Variants in TSPEAR observed in about 807,000 individuals in gnomAD.
The protein encoded by TSPEAR is thrombospondin-type laminin G domain and EAR repeat-containing protein.
A neutral mutation model predicts 71.6 loss-of-function variants in TSPEAR; 69 were observed. The ratio of observed to expected loss-of-function variants is 0.96; its 90% CI spans 0.79 to 1.18. The LOEUF (loss-of-function observed/expected upper bound fraction) is 1.18, where lower values mean the gene tolerates loss of function less well. Ranked by LOEUF, TSPEAR falls within the 50% of genes most tolerant of loss-of-function variation. TSPEAR has a pLI of 0.00. For missense variants in TSPEAR, 971 were observed against 894.9 expected, an observed-to-expected ratio of 1.09 and a Z score of -1.09; for synonymous variants, 402 against 387.2, an observed-to-expected ratio of 1.04 and a Z score of -0.45.
intron 2 of TSPEAR, chr21:44,539,062 G>A: frequency 4.6e-6 from 3 of 651,122 alleles, no homozygotes; most frequent in South Asian, 2.0e-5. Flanking sequence ...CCAGAGCAGA[G>A]AAGCTGGGAG....
chr21:44,521,979 C>A lies in TSPEAR; in HGVS notation c.1470G>T (p.Leu490=). The change falls in exon 9 of 12, where the codon CTG becomes CTT. Residue 490 remains leucine (L), a synonymous_variant. Coordinates refer to ENST00000323084, the MANE Select transcript of TSPEAR (RefSeq NM_144991.3). ...TGCCGTTGAAGGTGTTGGCCACCAC[C>A]AGGAACGAGTAGGGCCCCACACTGA... is the stretch of plus-strand genomic sequence containing the variant. ...EFFSVGPYSF[L]VVANTFNGTS... 6.2e-7 allele frequency: 1 copy of A among 1,614,158 alleles called. No individual in the cohort carries two copies. Among genetic ancestry groups the A allele is most frequent in the Non-Finnish European group, 8.5e-7 (1 of 1,180,006 alleles).
chr21:44,697,960 G>A (rs1555951013), intron 1 of TSPEAR: 2 of 1,596,936 alleles, frequency 1.3e-6, no homozygotes, highest in African/African-American at 1.3e-5. Flanking sequence ...CAGGCCAGAA[G>A]TCCAGCTGCT....
chr21:44,612,152 T>A lies in TSPEAR; in HGVS notation c.83-44147A>T. On this transcript the variant is annotated intron_variant, in intron 1 of 11. Coordinates refer to ENST00000323084, the MANE Select transcript of TSPEAR (RefSeq NM_144991.3). This position sits in a 1 kb window ranked among gnomAD's most constrained non-coding sequence, Gnocchi z 4.1. ...GTATGTGATTGCTGCATCCACCATG[T>A]CTGTCTGCTCCAGTGACGTGGGCCA... 1 of 1,614,098 alleles carries A rather than the reference T, an allele frequency of 6.2e-7. No homozygotes were observed. Among genetic ancestry groups the A allele is most frequent in the African/African-American group, 1.3e-5 (1 of 75,028 alleles).
intron 4 of TSPEAR, 120 bp from the exon 5 acceptor site, chr21:44,530,074 G>A (rs587633579): frequency 9.5e-7 from 1 of 1,055,126 alleles, no homozygotes; most frequent in South Asian, 1.7e-5. Flanking sequence ...TGGAATCTAA[G>A]CTTTTGCAGA....
intron 1 of TSPEAR, chr21:44,702,253 G>C (rs1555951635): frequency 6.2e-7 from 1 of 1,604,856 alleles, no homozygotes; most frequent in African/African-American, 1.3e-5. Flanking sequence ...CTGGCAGGTG[G>C]ACGACTGCCC....
At chr21:44,594,215 G>T (rs587645986) in intron 1 of TSPEAR, among the ~76,000 whole-genome samples, 1 of 152,330 alleles carries the variant, frequency 6.6e-6, no homozygotes, top group Non-Finnish European at 1.5e-5. Context: ...AGAAGTCAGA[G>T]GGGAGGAAGA....
At chr21:44,592,228 G>C in intron 1 of TSPEAR, 5 of 1,601,844 alleles carry the variant, frequency 3.1e-6, no homozygotes, top group Non-Finnish European at 4.3e-6. Flanking sequence ...GCACGAGGGC[G>C]TGCAGGAGCT....
intron 1 of TSPEAR, among the ~76,000 whole-genome samples, chr21:44,636,870 C>T (rs1460652410): frequency 2.6e-5 from 4 of 152,250 alleles, no homozygotes; most frequent in African/African-American, 9.6e-5. Context: ...GAGGTCCTCC[C>T]TGTCCTCCTG....
At chr21:44,618,937 G>A (rs1183156841) in intron 1 of TSPEAR, among the ~76,000 whole-genome samples, 5 of 152,204 alleles carry the variant, frequency 3.3e-5, no homozygotes, top group African/African-American at 1.2e-4. Context: ...TGAGGAATAA[G>A]GGAGTTAGAA....
At chr21:44,597,437 C>CTTTTTTTTTT (rs56129761) in intron 1 of TSPEAR, among the ~76,000 whole-genome samples, 1 of 119,222 alleles carries the variant, frequency 8.4e-6, no homozygotes, top group Non-Finnish European at 1.7e-5. Flanking sequence ...TCTTTCTTTT[C>CTTTTTTTTTT]TTTTTTTTTT....
chr21:44,640,063 C>T (rs1363146435), intron 1 of TSPEAR, among the ~76,000 whole-genome samples: 5 of 152,214 alleles, frequency 3.3e-5, no homozygotes, highest in South Asian at 2.1e-4. Context: ...ATGAAACAAA[C>T]GTCCACACAC....
At chr21:44,503,809 CGGGGGG>C (rs2052112858) in intron 11 of TSPEAR, among the ~76,000 whole-genome samples, 2 of 127,976 alleles carry the variant, frequency 1.6e-5, no homozygotes, top group African/African-American at 6.5e-5. Flanking sequence ...GGTGAGCCCT[CGGGGGG>C]AAGCAAGGCG....
intron 9 of TSPEAR, among the ~76,000 whole-genome samples, chr21:44,521,134 C>T (rs782644042): frequency 1.0e-3 from 152 of 152,216 alleles, no homozygotes; most frequent in Non-Finnish European, 1.5e-3. Context: ...ATGAGAGGCA[C>T]GCTTCCAGCA....
In TSPEAR at chr21:44,642,535, G is replaced by A. The variant is rs782567223; in HGVS notation, c.82+68898C>T. Reference sequence around the variant, plus strand: ...GTATAGCCATTATGGGAAATAGTACGGAAGTTCCTCAAAAAATTAAAAATG... The same window carrying A: ...GTATAGCCATTATGGGAAATAGTACAGAAGTTCCTCAAAAAATTAAAAATG... On this transcript the variant is annotated intron_variant, in intron 1 of 11. Coordinates refer to ENST00000323084, the MANE Select transcript of TSPEAR (RefSeq NM_144991.3). This position sits in a 1 kb window ranked among gnomAD's most constrained non-coding sequence, Gnocchi z 4.1. Among the ~76,000 whole-genome samples the A allele has an allele frequency of 1.6e-4, 24 of 152,174 alleles. No individual in the cohort carries two copies. The highest frequency in any genetic ancestry group is 2.4e-4 in the Non-Finnish European group (16 of 68,026).
intron 2 of TSPEAR, chr21:44,558,875 C>A: frequency 1.1e-6 from 1 of 920,608 alleles, no homozygotes; most frequent in Non-Finnish European, 1.6e-6. Context: ...GAGAAGCCTT[C>A]CTCTTCCTTG....
At chr21:44,706,369 A>G (rs1317949181) in intron 1 of TSPEAR, among the ~76,000 whole-genome samples, 1 of 150,182 alleles carries the variant, frequency 6.7e-6, no homozygotes, top group Non-Finnish European at 1.5e-5. Flanking sequence ...TTGCACGCCC[A>G]TGCACGCACA....
chr21:44,593,991 A>G lies in TSPEAR; in HGVS notation c.83-25986T>C, dbSNP rs587708377. Among the ~76,000 whole-genome samples, 73 of 152,330 alleles carry G rather than the reference A, an allele frequency of 4.8e-4. No homozygotes were observed. Among genetic ancestry groups the G allele is most frequent in the Middle Eastern group, 3.4e-3 (1 of 294 alleles). The stretch of plus-strand genomic sequence containing the variant: ...CATGGACTGGCTCCAGCCGGTTTAC[A>G]GAGGCTGTGCACTGGAGTGCCTTTG... On this transcript the variant is annotated intron_variant, in intron 1 of 11. Coordinates refer to ENST00000323084, the MANE Select transcript of TSPEAR (RefSeq NM_144991.3). The surrounding 1 kb of genome is among the most constrained non-coding windows in gnomAD (Gnocchi z 5.9).
At chr21:44,702,118 G>A (rs1555951622) in intron 1 of TSPEAR, 2 of 1,054,052 alleles carry the variant, frequency 1.9e-6, no homozygotes, top group Non-Finnish European at 2.7e-6. Flanking sequence ...ACCCAGGAGA[G>A]GCAGCGTCCA....
At position 44,551,951 on chromosome 21, in the gene TSPEAR, G is replaced by A. The variant is rs587617615; in HGVS notation, c.303+15834C>T. On this transcript the variant is annotated intron_variant, in intron 2 of 11. Coordinates refer to ENST00000323084, the MANE Select transcript of TSPEAR (RefSeq NM_144991.3). ...GCCTGTGTTGGGAAAAGACGCTTGA[G>A]GACAGCGCTTCCTGGCGGGCTCTGG... Among the ~76,000 whole-genome samples, 16 of 152,326 alleles carry A rather than the reference G, an allele frequency of 1.1e-4. No homozygotes were observed. The East Asian group carries it at 2.9e-3, about 28-fold the overall frequency.
Sources: gnomAD v4.1 joint callset for allele counts (sites outside exome capture counted in the v4.1 genomes callset) on GRCh38, gnomAD v4.1.1 for gene constraint, Gnocchi (gnomAD v3.1) non-coding constraint, MANE v1.5 for transcripts, NCBI Gene and HGNC (gene_info 2026-07-23, HGNC 2026-07-21) for gene names.